RBFOX1: variants seen among roughly 807,000 people sequenced by gnomAD.
The protein encoded by RBFOX1 is RNA binding protein fox-1 homolog 1.
A neutral mutation model predicts 57.7 loss-of-function variants in RBFOX1; 8 were observed. The ratio of observed to expected loss-of-function variants is 0.14; its 90% CI spans 0.08 to 0.25. RBFOX1 has a LOEUF of 0.25. Among genes scored for constraint, RBFOX1 ranks in the 10% least tolerant of loss-of-function variants. The pLI is 1.00. For synonymous variants in RBFOX1, 326 were observed against 222.4 expected (o/e 1.47, Z -4.15); for missense variants, 611 against 548.5 (o/e 1.11, Z -1.14).
intron 2 of RBFOX1, among the ~76,000 whole-genome samples, chr16:6,456,542 A>C (rs1358039317): frequency 1.3e-5 from 2 of 152,224 alleles, no homozygotes; most frequent in South Asian, 4.1e-4. Flanking sequence ...TAAGGAGTTT[A>C]GCTTTTACTT....
At chr16:5,446,603 G>A (rs1030876486) in intron 1 of RBFOX1, among the ~76,000 whole-genome samples, 2 of 152,038 alleles carry the variant, frequency 1.3e-5, no homozygotes, top group Admixed American at 6.5e-5. Flanking sequence ...GGCTTGATCC[G>A]ATTTGTACTC....
At chr16:6,354,228 G>GAC (rs373217744) in intron 2 of RBFOX1, among the ~76,000 whole-genome samples, 440 of 149,842 alleles carry the variant, frequency 2.9e-3, no homozygotes, top group Middle Eastern at 0.014. Flanking sequence ...TCAACACACA[G>GAC]ACACACACAC....
intron 3 of RBFOX1, among the ~76,000 whole-genome samples, chr16:5,814,005 C>G (rs1354778371): frequency 6.6e-6 from 1 of 152,220 alleles, no homozygotes; most frequent in Non-Finnish European, 1.5e-5. Flanking sequence ...CAAGAAGTAA[C>G]TTATTTTAAG....
chr16:5,687,377 C>T (rs1239626692), intron 3 of RBFOX1, among the ~76,000 whole-genome samples: 1 of 152,098 alleles, frequency 6.6e-6, no homozygotes, highest in Non-Finnish European at 1.5e-5. Flanking sequence ...TAGTGGGTAG[C>T]CAACTTTGGG....
At chr16:6,922,793 G>A (rs3893322) in intron 3 of RBFOX1, among the ~76,000 whole-genome samples, 65,725 of 151,982 alleles carry the variant, frequency 0.43, 14,457 homozygotes, top group Middle Eastern at 0.49. Context: ...TAAATCAGGA[G>A]GTCAGCGTTC....
Position 6,081,279 on chromosome 16 carries a change from A to T in RBFOX1, c.-127+61287A>T, listed in dbSNP as rs2095997329. Among the ~76,000 whole-genome samples, 3 of 152,204 alleles carry T rather than the reference A, an allele frequency of 2.0e-5. No individual in the cohort carries two copies. The South Asian group carries it at 6.2e-4, about 31-fold the overall frequency. On this transcript the variant is annotated intron_variant, in intron 1 of 15. Coordinates refer to ENST00000550418, the MANE Select transcript of RBFOX1 (RefSeq NM_018723.4). ...TACCCCTTTCAGCTCAGCCAAGATC[A>T]TCTCTCATTGGACAAGGTTCCCCCA...
chr16:6,623,672 C>G (rs931092076), intron 2 of RBFOX1, among the ~76,000 whole-genome samples: 1 of 151,856 alleles, frequency 6.6e-6, no homozygotes, highest in Non-Finnish European at 1.5e-5. Context: ...TCAGTTCTCA[C>G]CTATGAGTGA....
intron 3 of RBFOX1, among the ~76,000 whole-genome samples, chr16:5,695,167 T>C (rs1260659053): frequency 2.6e-5 from 4 of 152,134 alleles, no homozygotes; most frequent in South Asian, 2.1e-4. Flanking sequence ...TTCCTTTCAG[T>C]TTTTTCACTA....
At chr16:6,994,291 C>G (rs1272656169) in intron 3 of RBFOX1, among the ~76,000 whole-genome samples, 4 of 152,108 alleles carry the variant, frequency 2.6e-5, no homozygotes, top group African/African-American at 9.7e-5. Context: ...CTTAATGAAG[C>G]CATCTTCATC....
At chr16:6,961,165 A>ACACACACACACACACACACACACAC (rs1461621694) in intron 3 of RBFOX1, among the ~76,000 whole-genome samples, 14 of 150,658 alleles carry the variant, frequency 9.3e-5, no homozygotes, top group Admixed American at 2.0e-4. Flanking sequence ...ACACACACGC[A>ACACACACACACACACACACACACAC]AAAGAAAGAA....
chr16:5,715,198 G>A (rs567673969), intron 3 of RBFOX1, among the ~76,000 whole-genome samples: 1 of 152,146 alleles, frequency 6.6e-6, no homozygotes, highest in Non-Finnish European at 1.5e-5. Context: ...ATACCCTGTT[G>A]TGTGTGTTTT....
chr16:7,710,367 C>G (rs2083809337), intron 15 of RBFOX1: 1 of 1,341,022 alleles, frequency 7.5e-7, no homozygotes, highest in Non-Finnish European at 9.5e-7. Context: ...CATTGTCCAG[C>G]TTATAATAGA....
At chr16:7,513,572 A>G (rs1400452168) in intron 4 of RBFOX1, among the ~76,000 whole-genome samples, 1 of 152,194 alleles carries the variant, frequency 6.6e-6, no homozygotes, top group Non-Finnish European at 1.5e-5. Context: ...GATGTTTAGC[A>G]GCATTCCTGG....
chr16:6,816,799 C>A (rs984845395), intron 3 of RBFOX1, among the ~76,000 whole-genome samples: 1 of 151,860 alleles, frequency 6.6e-6, no homozygotes, highest in Non-Finnish European at 1.5e-5. Context: ...GGTTGGACTG[C>A]AGTGATGCAA....
intron 14 of RBFOX1, among the ~76,000 whole-genome samples, chr16:7,681,504 C>T (rs1233776836): frequency 2.0e-5 from 3 of 152,078 alleles, no homozygotes; most frequent in African/African-American, 7.2e-5. Flanking sequence ...GAAAGGCTGT[C>T]ATGAAAATAG....
At chr16:7,388,480 T>TA (rs998608274) in intron 4 of RBFOX1, among the ~76,000 whole-genome samples, 3 of 152,104 alleles carry the variant, frequency 2.0e-5, no homozygotes, top group African/African-American at 7.2e-5. Flanking sequence ...TCCTCCTTTT[T>TA]ATCATCTCTC....
At chr16:6,859,433 C>G (rs1490239044) in intron 3 of RBFOX1, among the ~76,000 whole-genome samples, 2 of 151,888 alleles carry the variant, frequency 1.3e-5, no homozygotes, top group African/African-American at 2.4e-5. Context: ...CTTGTCAGCT[C>G]TCTGTTCATC....
At chr16:7,710,197 T>A (rs966492993) in intron 15 of RBFOX1, 9 of 1,028,670 alleles carry the variant, frequency 8.7e-6, no homozygotes, top group African/African-American at 1.7e-5. Context: ...AGAAGTAGGT[T>A]GAGATTTTCA....
chr16:5,638,827 A>C (rs1264290098), intron 3 of RBFOX1, among the ~76,000 whole-genome samples: 1 of 152,172 alleles, frequency 6.6e-6, no homozygotes, highest in African/African-American at 2.4e-5. Flanking sequence ...ATGGGCTCAG[A>C]GAAAGCCATG....
Sources: allele counts gnomAD v4.1 joint callset (sites outside exome capture counted in the v4.1 genomes callset), GRCh38; gene constraint gnomAD v4.1.1; transcripts MANE v1.5; gene names NCBI Gene and HGNC (gene_info 2026-07-23, HGNC 2026-07-21).